PCNX2: variants seen among roughly 807,000 people sequenced by gnomAD.
The protein encoded by PCNX2 is pecanex-like protein 2.
PCNX2 carries 168 observed loss-of-function variants against 223.8 expected under a neutral mutation model. The ratio of observed to expected loss-of-function variants is 0.75; its 90% CI spans 0.66 to 0.85. The LOEUF (loss-of-function observed/expected upper bound fraction) is 0.85, where lower values mean the gene tolerates loss of function less well. PCNX2 is among the 40% of genes least tolerant of loss of function. The probability of loss-of-function intolerance (pLI) is 0.00; values close to 1 mark genes in which losing one functional copy is unlikely to be tolerated. For synonymous variants in PCNX2, 1,006 were observed against 1,052.6 expected (o/e 0.96, Z 0.86); for missense variants, 2,507 against 2,675.5 (o/e 0.94, Z 1.39).
At chr1:233,286,522 C>T (rs778348237) in intron 1 of PCNX2, among the ~76,000 whole-genome samples, 18 of 152,062 alleles carry the variant, frequency 1.2e-4, no homozygotes, top group Non-Finnish European at 2.6e-4. Context: ...ACTATGTACG[C>T]GAGAATCTGT....
rs1006351411 is a variant in PCNX2, at chr1:233,005,354, G to T, written c.4953-3673C>A. Reference sequence around the variant, plus strand: ...CAGGAATCGCAGGCATCAGCCTAGTGTTTGCCCAGCTGCGTGTGCCCGGCA... The same window carrying T: ...CAGGAATCGCAGGCATCAGCCTAGTTTTTGCCCAGCTGCGTGTGCCCGGCA... On this transcript the variant is annotated intron_variant, in intron 28 of 33. Coordinates refer to ENST00000258229, the MANE Select transcript of PCNX2 (RefSeq NM_014801.4). 2.0e-5 allele frequency among the ~76,000 whole-genome samples: 3 copies of T among 152,204 alleles called. No homozygotes were observed. The East Asian group carries it at 5.8e-4, about 29-fold the overall frequency.
intron 25 of PCNX2, among the ~76,000 whole-genome samples, chr1:233,048,921 ACTC>A (rs764180216): frequency 3.9e-5 from 6 of 152,176 alleles, no homozygotes; most frequent in African/African-American, 7.2e-5. Flanking sequence ...AAATGGCTAA[ACTC>A]CTGGAAACAC....
chr1:233,161,960 T>A (rs114071016), intron 17 of PCNX2, among the ~76,000 whole-genome samples: 10,949 of 147,500 alleles, frequency 0.074, 642 homozygotes, highest in East Asian at 0.31. Context: ...AAATTATTTT[T>A]TATATATATA....
At chr1:233,129,888 C>T (rs1329303054) in intron 21 of PCNX2, among the ~76,000 whole-genome samples, 1 of 152,172 alleles carries the variant, frequency 6.6e-6, no homozygotes, top group East Asian at 1.9e-4. Flanking sequence ...CCAGAGCCAG[C>T]AGTGGCAATC....
At chr1:233,035,373 C>A (rs1350556334) in intron 25 of PCNX2, among the ~76,000 whole-genome samples, 1 of 152,198 alleles carries the variant, frequency 6.6e-6, no homozygotes, top group Non-Finnish European at 1.5e-5. Context: ...TCCAAAATTT[C>A]ATCAATATGA....
Position 232,984,280 on chromosome 1 carries a change from C to G in PCNX2, c.*24G>C. On this transcript the variant is annotated 3_prime_UTR_variant, in exon 34 of 34. Coordinates refer to ENST00000258229, the MANE Select transcript of PCNX2 (RefSeq NM_014801.4). The stretch of plus-strand genomic sequence containing the variant: ...CAGGTGGGAGGTGTGGGGGAGCCAG[C>G]CTCCCCGCCCGGCCGCACGCCCGTC... The G allele has an allele frequency of 9.0e-6, 14 of 1,559,288 alleles. No individual in the cohort carries two copies. The highest frequency in any genetic ancestry group is 1.1e-5 in the Non-Finnish European group (13 of 1,152,608).
At chr1:232,996,841 C>T (rs72759995) in intron 32 of PCNX2, among the ~76,000 whole-genome samples, 35,999 of 152,154 alleles carry the variant, frequency 0.24, 4,510 homozygotes, top group African/African-American at 0.3. Context: ...GAACAGCTTA[C>T]CTTTACAAAT....
At chr1:233,300,122 G>T (rs1662235930), upstream of PCNX2, among the ~76,000 whole-genome samples, 1 of 152,158 alleles carries the variant, frequency 6.6e-6, no homozygotes, top group Non-Finnish European at 1.5e-5. Context: ...CACATAATCT[G>T]GTGGGATTTG....
In PCNX2 at chr1:233,208,559, A is replaced by G. The variant is rs538419852; in HGVS notation, c.2822T>C (p.Phe941Ser). 1.2e-6 allele frequency: 2 copies of G among 1,613,872 alleles called. No homozygotes were observed. The highest frequency in any genetic ancestry group is 1.1e-5 in the South Asian group (1 of 91,072). ...AGCTGATTGTAGAAACACTGGAGAG[A>G]AGAGCTTCAGGCCATACACAACGTA... ...PSYVVYGLKL[F>S]SPVFLQSARD... The change falls in exon 13 of 34, where the codon TTC (phenylalanine) becomes TCC (serine). Residue 941 changes from phenylalanine to serine, a missense_variant. This residue lies in a region of PCNX2 where 104 missense variants were observed against 144.4 expected (regional missense o/e 0.72). Coordinates refer to ENST00000258229, the MANE Select transcript of PCNX2 (RefSeq NM_014801.4).
At position 233,284,186 on chromosome 1, in the gene PCNX2, G is replaced by C. The variant is rs187083760; in HGVS notation, c.153+11140C>G. ...GGCTGGCATAACGGAAATTTGGATA[G>C]GAACGATATATTAGACAATACCATC... On this transcript the variant is annotated intron_variant, in intron 1 of 33. Coordinates refer to ENST00000258229, the MANE Select transcript of PCNX2 (RefSeq NM_014801.4). Among the ~76,000 whole-genome samples the C allele has an allele frequency of 1.6e-4, 25 of 152,294 alleles. No individual in the cohort carries two copies. In the East Asian group the frequency reaches 3.7e-3, roughly 22 times the overall value.
chr1:233,226,920 C>G (rs1572111221), intron 10 of PCNX2, among the ~76,000 whole-genome samples: 1 of 152,166 alleles, frequency 6.6e-6, no homozygotes, highest in East Asian at 1.9e-4. Flanking sequence ...TGTGCCCAAA[C>G]AAACCTTAAA....
At chr1:233,252,227 TG>T in intron 7 of PCNX2, 126 bp downstream of exon 7, 1 of 1,148,544 alleles carries the variant, frequency 8.7e-7, no homozygotes, top group Non-Finnish European at 1.2e-6. Flanking sequence ...GAACAGTATG[TG>T]GGCAACCACA....
chr1:233,227,233 G>A lies in PCNX2; in HGVS notation c.2497C>T (p.Leu833Phe), dbSNP rs769437236. The change falls in exon 10 of 34, where the codon CTT (leucine) becomes TTT (phenylalanine). Residue 833 changes from leucine (L) to phenylalanine (F), a missense_variant. Physicochemically the swap from Leu to Phe is conservative, Grantham distance 22. Around this residue, in one of 3 missense-constraint regions of PCNX2, gnomAD observed 1,031 missense variants for 1,021.7 expected, o/e 1.01. Coordinates refer to ENST00000258229, the MANE Select transcript of PCNX2 (RefSeq NM_014801.4). The part of the protein sequence containing the change: ...WYDRLTLLAL[L>F]DRTEDIKENV... ...GCATGCTCAGTGGCTTACCGATCAA[G>A]TAATGCCAGCAAGGTCAGTCGATCA... is the stretch of plus-strand genomic sequence containing the variant. 6.2e-7 allele frequency: 1 copy of A among 1,612,292 alleles called. No individual in the cohort carries two copies. Among genetic ancestry groups the A allele is most frequent in the East Asian group, 2.2e-5 (1 of 44,788 alleles).
chr1:233,236,277 T>C (rs1658409606), intron 9 of PCNX2, among the ~76,000 whole-genome samples: 1 of 152,070 alleles, frequency 6.6e-6, no homozygotes, highest in South Asian at 2.1e-4. Flanking sequence ...TCTCTGGCTT[T>C]GAATCCTTGG....
chr1:233,243,548 A>C (rs1260616730), intron 8 of PCNX2, among the ~76,000 whole-genome samples: 6 of 152,260 alleles, frequency 3.9e-5, no homozygotes, highest in African/African-American at 1.4e-4. Flanking sequence ...GGAATACAAC[A>C]GGTATTTAAG....
chr1:233,211,779 C>T (rs115728684), intron 12 of PCNX2: 14,373 of 985,268 alleles, frequency 0.015, 127 homozygotes, highest in Non-Finnish European at 0.016. Flanking sequence ...TTCATTCATA[C>T]TCACCACTCT....
upstream of PCNX2, among the ~76,000 whole-genome samples, chr1:233,298,143 T>C (rs1373122873): frequency 6.6e-6 from 1 of 152,014 alleles, no homozygotes; most frequent in Non-Finnish European, 1.5e-5. Context: ...TAAAACGGGA[T>C]GATAATGTCC....
At chr1:232,999,706 G>A (rs546067922) in intron 30 of PCNX2, 6 of 262,928 alleles carry the variant, frequency 2.3e-5, no homozygotes, top group Middle Eastern at 1.3e-3. Flanking sequence ...CACACGCCTC[G>A]GCCAATCTAT....
intron 10 of PCNX2, among the ~76,000 whole-genome samples, chr1:233,221,384 GAAA>G (rs575434174): frequency 6.8e-6 from 1 of 147,168 alleles, no homozygotes; most frequent in African/African-American, 2.5e-5. Context: ...AAATTTCAAA[GAAA>G]AAAAAAACCT....
Sources: gnomAD v4.1 joint callset for allele counts (sites outside exome capture counted in the v4.1 genomes callset) on GRCh38, gnomAD v4.1.1 for gene constraint, gnomAD v4.1.1 regional missense constraint, MANE v1.5 for transcripts, NCBI Gene and HGNC (gene_info 2026-07-23, HGNC 2026-07-21) for gene names.